Variants in DACH2 observed in about 807,000 individuals in gnomAD.
DACH2 encodes the protein dachshund family transcription factor 2.
DACH2 carries 17 observed loss-of-function variants against 35.8 expected under a neutral mutation model. The observed-to-expected ratio is 0.48, with a 90% confidence interval of 0.33 to 0.71. The LOEUF (loss-of-function observed/expected upper bound fraction) is 0.71. Ranked by LOEUF, DACH2 falls within the 30% of genes least tolerant of loss-of-function variation. The pLI, the probability that DACH2 is intolerant of heterozygous loss-of-function variation, is 0.02. For synonymous variants in DACH2, 195 were observed against 177.3 expected (o/e 1.10, Z -0.79); for missense variants, 469 against 472.7 (o/e 0.99, Z 0.07).
intron 2 of DACH2, among the ~76,000 whole-genome samples, chrX:86,412,981 C>T (rs1160996098): frequency 8.9e-6 from 1 of 111,772 alleles, no homozygotes; most frequent in African/African-American, 3.3e-5. Flanking sequence ...GCCCACTAGG[C>T]ATTGTGCCTT....
intron 4 of DACH2, among the ~76,000 whole-genome samples, chrX:86,681,212 A>G (rs772438693): frequency 2.0e-4 from 22 of 111,902 alleles, no homozygotes; most frequent in African/African-American, 6.8e-4. Flanking sequence ...AAAGCAGACA[A>G]TCTTATTCCT....
chrX:86,391,259 G>A (rs1390536575), intron 2 of DACH2, among the ~76,000 whole-genome samples: 1 of 79,493 alleles, frequency 1.3e-5, no homozygotes, highest in African/African-American at 5.1e-5. Context: ...ACTCGGGCTG[G>A]GTGACAGAGT....
chrX:86,586,065 C>T (rs933309153), intron 3 of DACH2, among the ~76,000 whole-genome samples: 3 of 111,434 alleles, frequency 2.7e-5, no homozygotes, highest in Admixed American at 9.5e-5. Context: ...TACAACCTTG[C>T]TAGCATTTGT....
intron 1 of DACH2, among the ~76,000 whole-genome samples, chrX:86,363,777 A>C (rs182368759): frequency 8.9e-6 from 1 of 111,820 alleles, no homozygotes; most frequent in African/African-American, 3.2e-5. Flanking sequence ...GTAGGTTTAC[A>C]TTCTATGTAC....
chrX:86,786,572 G>A (rs1381160932), intron 7 of DACH2, among the ~76,000 whole-genome samples: 3 of 111,803 alleles, frequency 2.7e-5, no homozygotes, highest in Admixed American at 9.5e-5. Context: ...TAAAGAAAAT[G>A]GTAGCAACTC....
At chrX:86,822,901 C>A (rs970855019) in intron 11 of DACH2, among the ~76,000 whole-genome samples, 1 of 112,105 alleles carries the variant, frequency 8.9e-6, no homozygotes, top group Non-Finnish European at 1.9e-5. Flanking sequence ...ACTCACTTCA[C>A]TCTGTCTGTC....
intron 7 of DACH2, among the ~76,000 whole-genome samples, chrX:86,795,381 G>A (rs1306216247): frequency 4.6e-5 from 5 of 109,677 alleles, no homozygotes; most frequent in African/African-American, 1.7e-4. Flanking sequence ...CTACAGGCAC[G>A]TGCCACCACG....
intron 1 of DACH2, among the ~76,000 whole-genome samples, chrX:86,227,687 T>G (rs921465273): frequency 9.2e-6 from 1 of 109,247 alleles, no homozygotes; most frequent in Non-Finnish European, 1.9e-5. Context: ...ACCCTTCCTT[T>G]CTTTTCCCTT....
chrX:86,531,131 G>A lies in DACH2; in HGVS notation c.640+16740G>A, dbSNP rs2038714140. On this transcript the variant is annotated intron_variant, in intron 3 of 11. Coordinates refer to ENST00000373125, the MANE Select transcript of DACH2 (RefSeq NM_053281.3). ...GCTCATATGCATGAAGAAAGAGATG[G>A]TCTGAAATTGGAATTTGTGATTAAA... 2.7e-5 allele frequency among the ~76,000 whole-genome samples: 3 copies of A among 111,867 alleles called. No homozygotes were observed. The South Asian group carries it at 1.1e-3, about 41-fold the overall frequency.
At chrX:86,585,117 T>G (rs369676124) in intron 3 of DACH2, among the ~76,000 whole-genome samples, 1 of 110,926 alleles carries the variant, frequency 9.0e-6, no homozygotes, top group Non-Finnish European at 1.9e-5. Flanking sequence ...AACATACGCA[T>G]GCATGTGTCT....
At chrX:86,273,279 T>C (rs1250200149) in intron 1 of DACH2, among the ~76,000 whole-genome samples, 1 of 111,921 alleles carries the variant, frequency 8.9e-6, no homozygotes, top group Non-Finnish European at 1.9e-5. Flanking sequence ...GCTCTATACA[T>C]CAATTTCCTA....
At chrX:86,708,397 C>A (rs2041242750) in intron 5 of DACH2, among the ~76,000 whole-genome samples, 1 of 110,927 alleles carries the variant, frequency 9.0e-6, no homozygotes, top group South Asian at 3.7e-4. Context: ...AAAGATTTTA[C>A]AAAAAATTCT....
At chrX:86,496,437 T>C (rs2038172954) in intron 2 of DACH2, among the ~76,000 whole-genome samples, 1 of 111,350 alleles carries the variant, frequency 9.0e-6, no homozygotes, top group African/African-American at 3.3e-5. Context: ...TCTAATCTTC[T>C]TCCTGGTATG....
At chrX:86,686,530 A>G (rs1017923605) in intron 4 of DACH2, among the ~76,000 whole-genome samples, 2 of 110,846 alleles carry the variant, frequency 1.8e-5, no homozygotes, top group African/African-American at 6.6e-5. Context: ...CATGCCCAGT[A>G]ATTGAAGGGT....
intron 2 of DACH2, among the ~76,000 whole-genome samples, chrX:86,503,211 T>C (rs1181664066): frequency 8.9e-6 from 1 of 111,973 alleles, no homozygotes; most frequent in Non-Finnish European, 1.9e-5. Flanking sequence ...TTTTAGGCAT[T>C]GAACCGTGAA....
intron 3 of DACH2, among the ~76,000 whole-genome samples, chrX:86,588,077 T>C (rs1471971237): frequency 9.0e-6 from 1 of 111,717 alleles, no homozygotes; most frequent in Non-Finnish European, 1.9e-5. Context: ...AGTTTCATTC[T>C]TCTGAGTATG....
At chrX:86,161,806 A>C (rs755966750) in intron 1 of DACH2, among the ~76,000 whole-genome samples, 1 of 112,000 alleles carries the variant, frequency 8.9e-6, no homozygotes, top group Non-Finnish European at 1.9e-5. Flanking sequence ...GTTCCTTGTC[A>C]TGCTAGAGGA....
At chrX:86,452,540 G>A (rs2037397514) in intron 2 of DACH2, among the ~76,000 whole-genome samples, 1 of 110,432 alleles carries the variant, frequency 9.1e-6, no homozygotes, top group South Asian at 3.8e-4. Flanking sequence ...TTTTCTTCCT[G>A]GTACATTTTT....
At chrX:86,486,832 A>G (rs1023135471) in intron 2 of DACH2, among the ~76,000 whole-genome samples, 8 of 112,034 alleles carry the variant, frequency 7.1e-5, no homozygotes, top group Non-Finnish European at 1.5e-4. Flanking sequence ...TATTTAGAGA[A>G]TTAAGTTGAT....
Sources: allele counts gnomAD v4.1 joint callset (sites outside exome capture counted in the v4.1 genomes callset), GRCh38; gene constraint gnomAD v4.1.1; transcripts MANE v1.5; gene names NCBI Gene and HGNC (gene_info 2026-07-23, HGNC 2026-07-21).